Variants in PIEZO1 observed in about 807,000 individuals in gnomAD.
PIEZO1 encodes piezo type mechanosensitive ion channel component 1 (Er blood group).
Under a neutral mutation model 297.2 loss-of-function variants are expected in PIEZO1, and 296 were observed. That is an observed-to-expected ratio of 1.00 (90% CI 0.91 to 1.10). The LOEUF is 1.10. Ranked by LOEUF, PIEZO1 falls within the 50% of genes least tolerant of loss-of-function variation. The pLI is 0.00. For synonymous variants in PIEZO1, 2,427 were observed against 1,507.5 expected (o/e 1.61, Z -14.13); for missense variants, 5,018 against 3,455.5 (o/e 1.45, Z -11.34).
rs11863125 is a variant in PIEZO1 at position 88,727,213 on chromosome 16, C to T, written c.3302-21G>A. On this transcript the variant is annotated intron_variant, in intron 23 of 50. Transcript: ENST00000301015. ...GTCGCCTGCAGGACACAGGAGCCGC[C>T]GCTGTGCCACACGGGGACCCACACG... The T allele has an allele frequency of 7.2e-3, 10,874 of 1,517,942 alleles. 669 individuals carry two copies. The African/African-American group carries it at 0.13, about 18-fold the overall frequency. 94.0% of individuals were successfully genotyped at this position (1,517,942 alleles called of 1,614,324 possible). A position where few individuals can be genotyped will look rare whatever the true frequency, so the allele number is the denominator to read the frequency against.
At chr16:88,747,374 G>C (rs925648469) in intron 2 of PIEZO1, among the ~76,000 whole-genome samples, 1 of 152,180 alleles carries the variant, frequency 6.6e-6, no homozygotes, top group Admixed American at 6.5e-5. Context: ...AAATTAGCCA[G>C]GCATGATGGT....
At chr16:88,759,906 G>C (rs868600767) in intron 1 of PIEZO1, among the ~76,000 whole-genome samples, 14 of 152,180 alleles carry the variant, frequency 9.2e-5, no homozygotes, top group Admixed American at 7.2e-4. Flanking sequence ...AGGGGACCTG[G>C]GGGGCTCCCC....
intron 1 of PIEZO1, among the ~76,000 whole-genome samples, chr16:88,782,926 G>C (rs1219891220): frequency 6.6e-6 from 1 of 152,226 alleles, no homozygotes; most frequent in Non-Finnish European, 1.5e-5. Context: ...GTGAGGCCCA[G>C]GCCCCACGCC....
At chr16:88,776,028 G>A (rs984748755) in intron 1 of PIEZO1, among the ~76,000 whole-genome samples, 3 of 152,226 alleles carry the variant, frequency 2.0e-5, no homozygotes, top group Non-Finnish European at 1.5e-5. Context: ...TGGGGCAGTC[G>A]GGGCCTCAGA....
chr16:88,731,926 G>A lies in PIEZO1; in HGVS notation c.2992-16C>T. Reference sequence around the variant, plus strand: ...GGAAGCAGATCTGGGGAGGGGAGAGGGCGGGGTGTGGGGATGCACTGAGTC... The same window carrying A: ...GGAAGCAGATCTGGGGAGGGGAGAGAGCGGGGTGTGGGGATGCACTGAGTC... On this transcript the variant is annotated splice_polypyrimidine_tract_variant and intron_variant, in intron 21 of 50. Transcript: ENST00000301015. 8 of 1,483,644 alleles carry A rather than the reference G, an allele frequency of 5.4e-6. No individual in the cohort carries two copies. The highest frequency in any genetic ancestry group is 1.7e-4 in the Middle Eastern group (1 of 5,766). The allele number at this position is 1,483,644 out of a possible 1,614,324, so 91.9% of individuals were successfully genotyped here. A position where few individuals can be genotyped will look rare whatever the true frequency, so the allele number is the denominator to read the frequency against.
At chr16:88,757,882 C>T (rs1906751332) in intron 1 of PIEZO1, among the ~76,000 whole-genome samples, 1 of 152,156 alleles carries the variant, frequency 6.6e-6, no homozygotes, top group Non-Finnish European at 1.5e-5. Context: ...GCAGATGCCC[C>T]AGGAGGCAGG....
chr16:88,751,895 G>T (rs1471115033), intron 1 of PIEZO1, among the ~76,000 whole-genome samples: 1 of 152,130 alleles, frequency 6.6e-6, no homozygotes, highest in East Asian at 1.9e-4. Flanking sequence ...CTCACGGTCT[G>T]ACCTGCCAGG....
intron 31 of PIEZO1, 102 bp downstream of exon 31, chr16:88,723,769 G>T: frequency 1.5e-6 from 1 of 665,748 alleles, no homozygotes; most frequent in South Asian, 1.8e-5. Context: ...GGAGGAGCTC[G>T]GCTCCCAGGC....
Position 88,717,079 on chromosome 16 carries a change from C to A in PIEZO1, c.6604G>T (p.Gly2202Trp). 2 of 1,551,122 alleles carry A rather than the reference C, an allele frequency of 1.3e-6. No individual in the cohort carries two copies. Residue 2202 changes from glycine to tryptophan, a missense_variant, in exon 45 of 51, where the codon GGG (glycine) becomes TGG (tryptophan). Gly to Trp is a radical substitution (Grantham distance 184). Coordinates refer to ENST00000301015, the MANE Select transcript of PIEZO1 (RefSeq NM_001142864.4). ...LFMSLVRSVV[G>W]VVNQPIDVTV... ...ACATCGATGGGCTGGTTGACAACCC[C>A]AACCACGGAGCGCACCAGCGACATG...
intron 1 of PIEZO1, among the ~76,000 whole-genome samples, chr16:88,764,222 C>T (rs577947010): frequency 6.6e-6 from 1 of 152,262 alleles, no homozygotes; most frequent in African/African-American, 2.4e-5. Context: ...GACACGGGGT[C>T]TCGGCCACAG....
At chr16:88,720,917 G>C (rs958220918) in intron 39 of PIEZO1, among the ~76,000 whole-genome samples, 169 bp from the exon 40 acceptor site, 2 of 152,172 alleles carry the variant, frequency 1.3e-5, no homozygotes, top group Non-Finnish European at 2.9e-5. Context: ...TGTGTCCTCT[G>C]TCTGGGGCAA....
At chr16:88,740,682 T>C (rs1227443730) in intron 5 of PIEZO1, 1 of 152,272 alleles carries the variant, frequency 6.6e-6, no homozygotes, top group East Asian at 1.9e-4. Context: ...CCCCTTTCCC[T>C]CTCGGGACTC....
intron 39 of PIEZO1, 90 bp from the exon 40 acceptor site, chr16:88,720,838 CT>C: frequency 7.4e-7 from 1 of 1,353,922 alleles, no homozygotes; most frequent in Non-Finnish European, 9.8e-7. Context: ...GGCATTCTCC[CT>C]GTTTGACAGA....
intron 1 of PIEZO1, among the ~76,000 whole-genome samples, chr16:88,758,644 G>A (rs757273319): frequency 9.2e-5 from 14 of 152,250 alleles, no homozygotes; most frequent in Non-Finnish European, 1.3e-4. Flanking sequence ...GGCAGGGGGT[G>A]CGGCAGAACC....
At chr16:88,717,350 GAC>G (rs1912124329) in intron 44 of PIEZO1, 139 bp from the exon 45 acceptor site, 2 of 715,518 alleles carry the variant, frequency 2.8e-6, no homozygotes, top group Non-Finnish European at 2.5e-6. Context: ...ATGGTGGGCA[GAC>G]ACAGGCCAGT....
In PIEZO1 at chr16:88,721,370, C is replaced by G. The variant is rs762151744; in HGVS notation, c.5464G>C (p.Glu1822Gln). 1 of 1,549,596 alleles carries G rather than the reference C, an allele frequency of 6.5e-7. No homozygotes were observed. Among genetic ancestry groups the G allele is most frequent in the South Asian group, 1.2e-5 (1 of 84,056 alleles). The change falls in exon 39 of 51, where the codon GAG (glutamate) becomes CAG (glutamine). Residue 1822 changes from glutamate (E) to glutamine (Q), a missense_variant. Coordinates refer to ENST00000301015, the MANE Select transcript of PIEZO1 (RefSeq NM_001142864.4). ...SPSKEHDKSGEEEQGAEEGPG... is the reference protein window; with the variant it reads ...SPSKEHDKSGQEEQGAEEGPG... ...CCCTCCTCGGCTCCCTGCTCCTCCT[C>G]GCCGCTCTTGTCATGCTCCTTGGAT...
At chr16:88,782,314 G>A (rs1391594056) in intron 1 of PIEZO1, among the ~76,000 whole-genome samples, 3 of 151,952 alleles carry the variant, frequency 2.0e-5, no homozygotes, top group African/African-American at 4.8e-5. Context: ...GGATCTCTAC[G>A]TTGCCCAGGC....
intron 1 of PIEZO1, among the ~76,000 whole-genome samples, chr16:88,776,988 T>C (rs1907695955): frequency 6.6e-6 from 1 of 152,198 alleles, no homozygotes; most frequent in South Asian, 2.1e-4. Flanking sequence ...TTCTTCTTTT[T>C]TGAGATGGAG....
At chr16:88,720,560 C>G in intron 40 of PIEZO1, 28 bp from the exon 41 acceptor site, 1 of 1,545,868 alleles carries the variant, frequency 6.5e-7, no homozygotes. Flanking sequence ...CAGCCTGGGC[C>G]CAGTACCCGC....
Sources: allele counts gnomAD v4.1 joint callset (sites outside exome capture counted in the v4.1 genomes callset), GRCh38; gene constraint gnomAD v4.1.1; transcripts MANE v1.5; gene names NCBI Gene and HGNC (gene_info 2026-07-23, HGNC 2026-07-21).